Variants in IGF1 observed in about 807,000 individuals in gnomAD.
IGF1 encodes the protein insulin-like growth factor 1.
In IGF1, 4 loss-of-function variants were observed where a neutral mutation model predicts 13.8. The observed-to-expected ratio is 0.29, with a 90% CI of 0.14 to 0.66. IGF1 has a LOEUF of 0.66. Ranked by LOEUF, IGF1 falls within the 30% of genes least tolerant of loss-of-function variation. IGF1 has a pLI of 0.78. For missense variants in IGF1, 124 were observed against 188.5 expected (o/e 0.66, Z 2.00); for synonymous variants, 76 against 72.6 (o/e 1.05, Z -0.23).
chr12:102,411,292 A>G (rs775789019), intron 3 of IGF1, among the ~76,000 whole-genome samples: 21 of 152,170 alleles, frequency 1.4e-4, no homozygotes, highest in Non-Finnish European at 2.2e-4. Flanking sequence ...CAACTCTACA[A>G]TTGTCGGCTG....
At chr12:102,420,324 G>C (rs1218223585) in intron 2 of IGF1, among the ~76,000 whole-genome samples, 2 of 152,206 alleles carry the variant, frequency 1.3e-5, no homozygotes, top group Admixed American at 1.3e-4. Context: ...CAGGAGAACT[G>C]TTGTATGACT....
Position 102,480,438 on chromosome 12 carries a change from AAG to A in IGF1, c.-59_-58del. On this transcript the variant is annotated 5_prime_UTR_variant, in exon 1 of 4. Transcript: ENST00000337514. ...TGGTTAGCAGGAATAATGAAGCAAA[AAG>A]AAATCCAGAGAGATGGGAGATGTTG... is the stretch of plus-strand genomic sequence containing the variant. 6.2e-7 allele frequency: 1 copy of A among 1,611,550 alleles called. No homozygotes were observed. The highest frequency in any genetic ancestry group is 8.5e-7 in the Non-Finnish European group (1 of 1,179,118).
At chr12:102,417,842 T>C (rs763305686) in intron 3 of IGF1, 1 of 1,613,960 alleles carries the variant, frequency 6.2e-7, no homozygotes, top group Non-Finnish European at 8.5e-7. Context: ...TGCCTCTGCA[T>C]TCAGCATTTC....
intron 3 of IGF1, among the ~76,000 whole-genome samples, chr12:102,415,256 T>TCATCCATCCATC (rs66536957): frequency 1.3e-5 from 2 of 148,552 alleles, no homozygotes; most frequent in African/African-American, 5.0e-5. Context: ...AACCATCCAT[T>TCATCCATCCATC]CATCCATCCA....
rs1592729750 is a variant in IGF1, at chr12:102,402,365, G to A, written c.*142C>T. 2.2e-5 allele frequency: 17 copies of A among 760,144 alleles called. No individual in the cohort carries two copies. In the East Asian group the frequency reaches 4.2e-4, roughly 19 times the overall value. The allele number at this position is 760,144 out of a possible 1,614,324, so 47.1% of individuals were successfully genotyped here. A position where few individuals can be genotyped will look rare whatever the true frequency, so the allele number is the denominator to read the frequency against. ...AGACAATGTTGGAATGTTTACTTGT[G>A]TATTTCATTGGGGGAAACGCCCATC... On this transcript the variant is annotated 3_prime_UTR_variant, in exon 4 of 4. Coordinates refer to ENST00000337514, the MANE Select transcript of IGF1 (RefSeq NM_000618.5).
At chr12:102,462,518 A>G (rs1350452854) in intron 2 of IGF1, among the ~76,000 whole-genome samples, 1 of 152,170 alleles carries the variant, frequency 6.6e-6, no homozygotes, top group Admixed American at 6.5e-5. Context: ...CTTATCTGGT[A>G]AGAGAGATTT....
intron 2 of IGF1, among the ~76,000 whole-genome samples, chr12:102,458,073 T>C (rs1879562829): frequency 1.3e-5 from 2 of 152,242 alleles, no homozygotes; most frequent in Non-Finnish European, 2.9e-5. Context: ...GTTGGATCCA[T>C]TTCTGGTGCC....
At chr12:102,416,280 CACA>C (rs1875133546) in intron 3 of IGF1, among the ~76,000 whole-genome samples, 1 of 152,194 alleles carries the variant, frequency 6.6e-6, no homozygotes, top group South Asian at 2.1e-4. Flanking sequence ...TCTTCTAATT[CACA>C]ACTTGGAGGA....
chr12:102,475,808 G>A lies in IGF1; in HGVS notation c.64-9C>T, dbSNP rs1254819625. 6.2e-7 allele frequency: 1 copy of A among 1,609,262 alleles called. No homozygotes were observed. Among genetic ancestry groups the A allele is most frequent in the Non-Finnish European group, 8.5e-7 (1 of 1,177,560 alleles). ...ATGGTGTGCATCTTCACCTGCCCAA[G>A]AAACAGAGGGAGGGTCAGGTTTCCT... is the stretch of plus-strand genomic sequence containing the variant. On this transcript the variant is annotated splice_polypyrimidine_tract_variant and intron_variant, in intron 1 of 3. Coordinates refer to ENST00000337514, the MANE Select transcript of IGF1 (RefSeq NM_000618.5).
intron 2 of IGF1, among the ~76,000 whole-genome samples, chr12:102,456,034 A>C (rs1434480094): frequency 6.6e-6 from 1 of 152,138 alleles, no homozygotes; most frequent in Non-Finnish European, 1.5e-5. Context: ...CATTATGCTC[A>C]GTGTTAATAT....
intron 1 of IGF1, 82 bp downstream of exon 1, chr12:102,480,237 G>T: frequency 7.5e-7 from 1 of 1,332,820 alleles, no homozygotes; most frequent in Non-Finnish European, 1.1e-6. Context: ...ATTTTAAAGT[G>T]AAGAACAGTT....
chr12:102,407,186 T>C (rs897135953), intron 3 of IGF1, among the ~76,000 whole-genome samples: 3 of 148,148 alleles, frequency 2.0e-5, no homozygotes, highest in African/African-American at 7.4e-5. Flanking sequence ...GCTTAACATT[T>C]GCAAAGGCTT....
intron 3 of IGF1, among the ~76,000 whole-genome samples, chr12:102,406,738 T>A (rs1874184255): frequency 6.6e-6 from 1 of 152,110 alleles, no homozygotes; most frequent in South Asian, 2.1e-4. Context: ...TCTCCCATTA[T>A]CTCTTGGTTC....
chr12:102,453,582 A>T (rs1879138408), intron 2 of IGF1, among the ~76,000 whole-genome samples: 1 of 151,840 alleles, frequency 6.6e-6, no homozygotes, highest in Non-Finnish European at 1.5e-5. Flanking sequence ...CTGTATGTAC[A>T]AAAAAAGAGA....
intron 2 of IGF1, among the ~76,000 whole-genome samples, chr12:102,457,639 T>C (rs1194274853): frequency 6.6e-6 from 1 of 152,174 alleles, no homozygotes; most frequent in East Asian, 1.9e-4. Flanking sequence ...CACAAGACTG[T>C]ATATATAGAG....
chr12:102,452,242 A>G (rs11111278), intron 2 of IGF1, among the ~76,000 whole-genome samples: 21,244 of 129,434 alleles, frequency 0.16, 2,052 homozygotes, highest in Non-Finnish European at 0.21. Flanking sequence ...AGCCTGGGCG[A>G]CAGAGCGAGA....
At chr12:102,425,280 G>T (rs1249231348) in intron 2 of IGF1, among the ~76,000 whole-genome samples, 1 of 152,136 alleles carries the variant, frequency 6.6e-6, no homozygotes, top group Non-Finnish European at 1.5e-5. Context: ...TCTATGAACT[G>T]CATGTCATAA....
At chr12:102,421,800 T>A (rs920387326) in intron 2 of IGF1, among the ~76,000 whole-genome samples, 3 of 152,288 alleles carry the variant, frequency 2.0e-5, no homozygotes, top group Non-Finnish European at 4.4e-5. Flanking sequence ...CAGGACCTAT[T>A]TAGTATTTCC....
chr12:102,443,636 A>G (rs1878057419), intron 2 of IGF1, among the ~76,000 whole-genome samples: 1 of 152,062 alleles, frequency 6.6e-6, no homozygotes, highest in South Asian at 2.1e-4. Context: ...GAATGAACAA[A>G]ACAACAGATC....
Sources: allele counts gnomAD v4.1 joint callset (sites outside exome capture counted in the v4.1 genomes callset), GRCh38; gene constraint gnomAD v4.1.1; transcripts MANE v1.5; gene names NCBI Gene and HGNC (gene_info 2026-07-23, HGNC 2026-07-21).